The following SCAPER variants were observed in gnomAD, a reference collection of about 807,000 sequenced individuals.
SCAPER encodes S phase cyclin A-associated protein in the endoplasmic reticulum.
A neutral mutation model predicts 182.2 loss-of-function variants in SCAPER; 98 were observed. That is an observed-to-expected ratio of 0.54 (90% CI 0.46 to 0.64). The LOEUF is 0.64. SCAPER is among the 30% of genes least tolerant of loss of function. SCAPER has a pLI of 0.00. For missense variants in SCAPER, 1,432 were observed against 1,690.0 expected (o/e 0.85, Z 2.68); for synonymous variants, 605 against 564.6 (o/e 1.07, Z -1.01).
At chr15:76,437,387 C>G (rs1209019478) in intron 25 of SCAPER, among the ~76,000 whole-genome samples, 1 of 152,114 alleles carries the variant, frequency 6.6e-6, no homozygotes, top group Non-Finnish European at 1.5e-5. Flanking sequence ...GCTTTCCTTT[C>G]CTTCCTGTGC....
rs1443863850 is a variant in SCAPER at position 76,434,115 on chromosome 15, C to T, written c.3274G>A (p.Gly1092Ser). ...TGAACTCGATTGTTAAAAGGATCAC[C>T]TTGTGAGGGTTTGTTTTTCATTTCC... ...TQEMKNKPSQ[G>S]DPFNNRVQDL... is the part of the protein sequence containing the mutation. The change falls in exon 26 of 32, where the codon GGT (glycine) becomes AGT (serine). Residue 1092 changes from glycine (G) to serine (S), a missense_variant. Physicochemically the swap from Gly to Ser is moderately conservative, Grantham distance 56 (BLOSUM62 0). Around this residue, in one of 5 missense-constraint regions of SCAPER, gnomAD observed 718 missense variants for 799.7 expected, o/e 0.90. Coordinates refer to ENST00000563290, the MANE Select transcript of SCAPER (RefSeq NM_020843.4). 63 of 1,613,758 alleles carry T rather than the reference C, an allele frequency of 3.9e-5. No individual in the cohort carries two copies. Among genetic ancestry groups the T allele is most frequent in the Non-Finnish European group, 5.1e-5 (60 of 1,179,868 alleles).
chr15:76,514,381 C>A (rs1293120534), intron 23 of SCAPER, among the ~76,000 whole-genome samples: 1 of 152,016 alleles, frequency 6.6e-6, no homozygotes, highest in Non-Finnish European at 1.5e-5. Flanking sequence ...TAAAGGCCAG[C>A]AAAAAATGAC....
At chr15:76,722,313 G>A (rs892425733) in intron 17 of SCAPER, among the ~76,000 whole-genome samples, 22 of 152,232 alleles carry the variant, frequency 1.4e-4, no homozygotes, top group African/African-American at 5.3e-4. Flanking sequence ...TCGATGTGTT[G>A]CTGGATTCGG....
intron 29 of SCAPER, among the ~76,000 whole-genome samples, chr15:76,375,104 A>G (rs1240952524): frequency 6.7e-6 from 1 of 150,192 alleles, no homozygotes; most frequent in Non-Finnish European, 1.5e-5. Flanking sequence ...GGTAGACCCA[A>G]CTACTCAGGA....
chr15:76,800,381 T>C lies in SCAPER; in HGVS notation c.495-17A>G, dbSNP rs768319320. 7.0e-6 allele frequency: 10 copies of C among 1,433,276 alleles called. No homozygotes were observed. In the Admixed American group the frequency reaches 1.6e-4, roughly 23 times the overall value. The allele number at this position is 1,433,276 out of a possible 1,614,324, so 88.8% of individuals were successfully genotyped here. A position where few individuals can be genotyped will look rare whatever the true frequency, so the allele number is the denominator to read the frequency against. On this transcript the variant is annotated splice_polypyrimidine_tract_variant and intron_variant, in intron 6 of 31. Transcript: ENST00000563290. ...GATGTTGGTCTGCGAATTCAATATATAAACCAGATTAAATTAACAGAGAAA... is the reference window on the plus strand; with the variant it reads ...GATGTTGGTCTGCGAATTCAATATACAAACCAGATTAAATTAACAGAGAAA...
intron 1 of SCAPER, among the ~76,000 whole-genome samples, chr15:76,903,351 T>C (rs1209897546): frequency 6.6e-6 from 1 of 152,228 alleles, no homozygotes; most frequent in Non-Finnish European, 1.5e-5. Flanking sequence ...TTAACCATAA[T>C]GCTATGGTCT....
At chr15:76,537,429 C>T (rs948944587) in intron 23 of SCAPER, among the ~76,000 whole-genome samples, 5 of 152,208 alleles carry the variant, frequency 3.3e-5, no homozygotes, top group African/African-American at 1.2e-4. Context: ...CTACAACTAT[C>T]TGATCTTTGA....
intron 23 of SCAPER, among the ~76,000 whole-genome samples, chr15:76,559,438 C>T (rs1029637100): frequency 2.0e-5 from 3 of 152,026 alleles, no homozygotes; most frequent in Non-Finnish European, 4.4e-5. Context: ...AGGTGCCTTG[C>T]TTCCCCTTTG....
chr15:76,446,110 C>T (rs1294828099), intron 25 of SCAPER, among the ~76,000 whole-genome samples: 1 of 152,142 alleles, frequency 6.6e-6, no homozygotes. Context: ...ATCGACACAA[C>T]ACTCTCACAA....
intron 10 of SCAPER, among the ~76,000 whole-genome samples, chr15:76,768,945 A>G (rs2063279967): frequency 6.6e-6 from 1 of 152,216 alleles, no homozygotes; most frequent in Non-Finnish European, 1.5e-5. Context: ...GTGAATGAAC[A>G]AACATTGTGT....
At chr15:76,893,164 C>T (rs112873005) in intron 1 of SCAPER, among the ~76,000 whole-genome samples, 7,759 of 152,064 alleles carry the variant, frequency 0.051, 588 homozygotes, top group African/African-American at 0.16. Context: ...CATCACACAC[C>T]GGAGCCTGTC....
intron 21 of SCAPER, among the ~76,000 whole-genome samples, chr15:76,632,894 C>T (rs1173448310): frequency 1.3e-5 from 2 of 151,370 alleles, no homozygotes; most frequent in Non-Finnish European, 2.9e-5. Context: ...CCTGCCTCAG[C>T]CTCCTGGTTA....
intron 22 of SCAPER, among the ~76,000 whole-genome samples, chr15:76,615,281 C>T (rs1812804853): frequency 6.6e-6 from 1 of 151,654 alleles, no homozygotes; most frequent in African/African-American, 2.4e-5. Flanking sequence ...CCCCTCCCTA[C>T]AAAAAATTAC....
chr15:76,471,231 A>C lies in SCAPER; in HGVS notation c.3059T>G (p.Leu1020Arg). Residue 1020 changes from leucine to arginine, a missense_variant, in exon 25 of 32, where the codon CTC becomes CGC. By Grantham distance (102) the Leu-to-Arg change is moderately radical. Coordinates refer to ENST00000563290, the MANE Select transcript of SCAPER (RefSeq NM_020843.4). ...FSNKITFLMD[L>R]LIHQLTVYVP... ...ACATACCGTCAACTGGTGTATCAGG[A>C]GGTCCATTAAGAAGGTAATCTTGTT... is the stretch of plus-strand genomic sequence containing the variant. 6.2e-7 allele frequency: 1 copy of C among 1,610,764 alleles called. No homozygotes were observed. Among genetic ancestry groups the C allele is most frequent in the South Asian group, 1.1e-5 (1 of 90,446 alleles).
chr15:76,554,757 C>T (rs949408947), intron 23 of SCAPER, among the ~76,000 whole-genome samples: 1 of 149,518 alleles, frequency 6.7e-6, no homozygotes, highest in Non-Finnish European at 1.5e-5. Context: ...TCCTACAAGG[C>T]AGAAGAGATT....
intron 1 of SCAPER, among the ~76,000 whole-genome samples, chr15:76,903,018 G>A (rs2074880479): frequency 6.7e-6 from 1 of 149,670 alleles, no homozygotes; most frequent in Middle Eastern, 3.4e-3. Flanking sequence ...CCAAGATTGC[G>A]CCACTGCACT....
intron 8 of SCAPER, among the ~76,000 whole-genome samples, chr15:76,781,838 TGAGA>T (rs766257127): frequency 6.6e-6 from 1 of 152,196 alleles, no homozygotes; most frequent in Non-Finnish European, 1.5e-5. Flanking sequence ...AAGCAAATGC[TGAGA>T]GATTTTCTCA....
chr15:76,438,681 C>A (rs1210328983), intron 25 of SCAPER, among the ~76,000 whole-genome samples: 2 of 152,208 alleles, frequency 1.3e-5, no homozygotes, highest in Non-Finnish European at 2.9e-5. Flanking sequence ...ATCCTAGGAT[C>A]TCAGGCCCAG....
rs181117220 is a variant in SCAPER, at chr15:76,654,403, G to A, written c.2645+11250C>T. 1.1e-3 allele frequency among the ~76,000 whole-genome samples: 162 copies of A among 152,150 alleles called. 3 individuals are homozygous for A. Among genetic ancestry groups the A allele is most frequent in the African/African-American group, 3.8e-3 (157 of 41,528 alleles). ...AGCCTGGGTGACAGAGCGAGACTCC[G>A]TCTCAAAACAAAACCACAATGAGAT... On this transcript the variant is annotated intron_variant, in intron 21 of 31. Coordinates refer to ENST00000563290, the MANE Select transcript of SCAPER (RefSeq NM_020843.4).
Sources: gnomAD v4.1 joint callset for allele counts (sites outside exome capture counted in the v4.1 genomes callset) on GRCh38, gnomAD v4.1.1 for gene constraint, gnomAD v4.1.1 regional missense constraint, MANE v1.5 for transcripts, NCBI Gene and HGNC (gene_info 2026-07-23, HGNC 2026-07-21) for gene names.